The following MSRB3 variants were observed in gnomAD, a reference collection of about 807,000 sequenced individuals.
MSRB3 encodes methionine-R-sulfoxide reductase B3.
In MSRB3, 13 loss-of-function variants were observed where a neutral mutation model predicts 21.0. The observed-to-expected ratio is 0.62, with a 90% CI of 0.40 to 0.98. MSRB3 has a LOEUF of 0.98. Ranked by LOEUF, MSRB3 falls within the 50% of genes least tolerant of loss-of-function variation. The pLI, the probability that MSRB3 is intolerant of heterozygous loss-of-function variation, is 0.00. For missense variants in MSRB3, 199 were observed against 230.3 expected, an observed-to-expected ratio of 0.86 and a Z score of 0.88; for synonymous variants, 87 against 88.6, an observed-to-expected ratio of 0.98 and a Z score of 0.10.
At chr12:65,374,376 A>T (rs1162165699) in intron 5 of MSRB3, among the ~76,000 whole-genome samples, 1 of 152,224 alleles carries the variant, frequency 6.6e-6, no homozygotes, top group African/African-American at 2.4e-5. Flanking sequence ...AGCTGTGAAC[A>T]GGGTGGATAC....
intron 6 of MSRB3, 182 bp downstream of exon 6, chr12:65,454,007 G>A (rs1004291246): frequency 1.3e-5 from 9 of 692,916 alleles, no homozygotes; most frequent in Non-Finnish European, 2.1e-5. Flanking sequence ...TGTTAAGGTC[G>A]GCATGATAGC....
At chr12:65,448,009 C>T (rs978305366) in intron 5 of MSRB3, among the ~76,000 whole-genome samples, 17 of 152,214 alleles carry the variant, frequency 1.1e-4, no homozygotes, top group South Asian at 4.1e-4. Flanking sequence ...ATTTGATTTT[C>T]GGTCTCCTAG....
At chr12:65,311,017 G>C (rs188018883) in intron 2 of MSRB3, among the ~76,000 whole-genome samples, 1 of 152,170 alleles carries the variant, frequency 6.6e-6, no homozygotes, top group African/African-American at 2.4e-5. Context: ...GGAAATTCAT[G>C]TATCTGTATT....
At chr12:65,403,798 G>A (rs556491402) in intron 5 of MSRB3, among the ~76,000 whole-genome samples, 2 of 152,256 alleles carry the variant, frequency 1.3e-5, no homozygotes, top group African/African-American at 4.8e-5. Context: ...CGCAGTATCT[G>A]TGCCAGAGTG....
chr12:65,293,192 T>C (rs1270335790), intron 1 of MSRB3, among the ~76,000 whole-genome samples: 1 of 152,194 alleles, frequency 6.6e-6, no homozygotes, highest in Non-Finnish European at 1.5e-5. Context: ...TTTTTTTTAT[T>C]GATCTCATGT....
intron 6 of MSRB3, among the ~76,000 whole-genome samples, chr12:65,457,269 G>A (rs1374108797): frequency 6.6e-6 from 1 of 151,874 alleles, no homozygotes; most frequent in Non-Finnish European, 1.5e-5. Context: ...TGTGCAGAAC[G>A]TGCAGGTTTG....
At chr12:65,365,411 G>A (rs1370619114) in intron 4 of MSRB3, among the ~76,000 whole-genome samples, 1 of 152,176 alleles carries the variant, frequency 6.6e-6, no homozygotes, top group South Asian at 2.1e-4. Flanking sequence ...AGCCTTGATT[G>A]TTGAGAAATA....
At chr12:65,370,593 T>C (rs1878264237) in intron 5 of MSRB3, among the ~76,000 whole-genome samples, 1 of 152,206 alleles carries the variant, frequency 6.6e-6, no homozygotes, top group African/African-American at 2.4e-5. Context: ...AGTCAGACAA[T>C]TTATGTTAAC....
chr12:65,347,436 G>T (rs545994745), intron 4 of MSRB3, among the ~76,000 whole-genome samples: 46 of 152,286 alleles, frequency 3.0e-4, no homozygotes, highest in African/African-American at 9.6e-4. Context: ...CACTGATTTT[G>T]TATCCTGAGA....
intron 4 of MSRB3, among the ~76,000 whole-genome samples, chr12:65,357,203 C>T (rs1877436626): frequency 6.6e-6 from 1 of 151,830 alleles, no homozygotes; most frequent in African/African-American, 2.4e-5. Flanking sequence ...CTTTCCCTCA[C>T]CTCCCATATC....
intron 5 of MSRB3, among the ~76,000 whole-genome samples, chr12:65,421,559 A>G (rs1881297193): frequency 6.6e-6 from 1 of 152,190 alleles, no homozygotes; most frequent in Non-Finnish European, 1.5e-5. Flanking sequence ...CCAGAATGGT[A>G]TTGCCTACGT....
In MSRB3 at chr12:65,398,116, A is replaced by C. The variant is rs572622432; in HGVS notation, c.292+29090A>C. On this transcript the variant is annotated intron_variant, in intron 5 of 6. Transcript: ENST00000308259. ...TAGAATGATTTATAATCCTTTGAGT[A>C]TATACCCAGTAATGGGATTGCTGGG... 9.8e-5 allele frequency among the ~76,000 whole-genome samples: 15 copies of C among 152,310 alleles called. 1 individual carries two copies. Among genetic ancestry groups the C allele is most frequent in the Middle Eastern group, 3.4e-3 (1 of 294 alleles).
intron 6 of MSRB3, among the ~76,000 whole-genome samples, chr12:65,459,201 A>G (rs1183747889): frequency 1.3e-5 from 2 of 152,196 alleles, no homozygotes; most frequent in African/African-American, 4.8e-5. Context: ...AGTCTATGGT[A>G]TAGTCCCTTA....
At chr12:65,461,971 T>C (rs1056671844) in intron 6 of MSRB3, among the ~76,000 whole-genome samples, 3 of 152,204 alleles carry the variant, frequency 2.0e-5, no homozygotes, top group Admixed American at 6.5e-5. Flanking sequence ...TTAGCATTGC[T>C]TTCTACCTTC....
At chr12:65,372,604 A>G (rs1878386722) in intron 5 of MSRB3, among the ~76,000 whole-genome samples, 2 of 152,260 alleles carry the variant, frequency 1.3e-5, no homozygotes, top group African/African-American at 4.8e-5. Context: ...GTTCAGAAGT[A>G]GCAAGAAGCT....
intron 2 of MSRB3, among the ~76,000 whole-genome samples, chr12:65,322,922 T>C (rs1454454362): frequency 6.6e-6 from 1 of 152,148 alleles, no homozygotes; most frequent in Non-Finnish European, 1.5e-5. Context: ...AATTTTAGTT[T>C]TATTTTCTTC....
chr12:65,329,403 A>T (rs1875262761), intron 4 of MSRB3, among the ~76,000 whole-genome samples: 1 of 152,204 alleles, frequency 6.6e-6, no homozygotes, highest in Non-Finnish European at 1.5e-5. Flanking sequence ...CAATCACAGC[A>T]CTTTGGGAGG....
intron 4 of MSRB3, 74 bp from the exon 5 acceptor site, chr12:65,368,923 AC>A (rs57910895): frequency 0.47 from 96,457 of 207,376 alleles, 17,632 homozygotes; most frequent in Middle Eastern, 0.62. Context: ...TCCCAACCAC[AC>A]CCCCCCCCCC....
At chr12:65,352,803 T>G (rs9706390) in intron 4 of MSRB3, among the ~76,000 whole-genome samples, 135,560 of 138,846 alleles carry the variant, frequency 0.98, 66,183 homozygotes, top group East Asian at 1. Flanking sequence ...CACTGCTCAA[T>G]GAAATAAAAG....
Sources: allele counts gnomAD v4.1 joint callset (sites outside exome capture counted in the v4.1 genomes callset), GRCh38; gene constraint gnomAD v4.1.1; transcripts MANE v1.5; gene names NCBI Gene and HGNC (gene_info 2026-07-23, HGNC 2026-07-21).